The following RANBP17 variants were observed in gnomAD, a reference collection of about 807,000 sequenced individuals.
The protein encoded by RANBP17 is RAN binding protein 17.
Under a neutral mutation model 141.2 loss-of-function variants are expected in RANBP17, and 158 were observed. The observed-to-expected ratio is 1.12, with a 90% CI of 0.98 to 1.28. The LOEUF is 1.28. RANBP17 is among the 50% of genes most tolerant of loss of function. RANBP17 has a pLI of 0.00. For missense variants in RANBP17, 1,438 were observed against 1,290.7 expected, an observed-to-expected ratio of 1.11 and a Z score of -1.75; for synonymous variants, 430 against 450.0, an observed-to-expected ratio of 0.96 and a Z score of 0.56.
intron 16 of RANBP17, among the ~76,000 whole-genome samples, chr5:171,182,657 G>A (rs1760938684): frequency 6.6e-6 from 1 of 152,166 alleles, no homozygotes; most frequent in South Asian, 2.1e-4. Context: ...GTTCCTTTAA[G>A]CTGTCCTTCT....
At chr5:170,910,720 A>G (rs1771456809) in intron 6 of RANBP17, 2 of 409,068 alleles carry the variant, frequency 4.9e-6, no homozygotes, top group South Asian at 6.7e-5. Flanking sequence ...GTTCTCCAGA[A>G]GCTTTGTGAG....
intron 13 of RANBP17, among the ~76,000 whole-genome samples, chr5:170,955,025 A>G (rs989855499): frequency 6.6e-6 from 1 of 152,040 alleles, no homozygotes; most frequent in African/African-American, 2.4e-5. Flanking sequence ...TAAACTACAC[A>G]TGTGAGGGAT....
chr5:171,250,166 G>C (rs1286993661), intron 24 of RANBP17, among the ~76,000 whole-genome samples: 1 of 152,142 alleles, frequency 6.6e-6, no homozygotes, highest in Non-Finnish European at 1.5e-5. Context: ...ATTAACCTTT[G>C]TAAATGAAGG....
intron 14 of RANBP17, among the ~76,000 whole-genome samples, chr5:171,117,878 G>A (rs777787357): frequency 9.9e-5 from 15 of 151,676 alleles, no homozygotes; most frequent in Admixed American, 5.3e-4. Flanking sequence ...CTGTTGTGAC[G>A]TTAGAGTTCC....
In RANBP17 at chr5:171,213,616, CA is replaced by C; in HGVS notation, c.2232-14del. 6.3e-7 allele frequency: 1 copy of C among 1,586,808 alleles called. No homozygotes were observed. The highest frequency in any genetic ancestry group is 8.7e-7 in the Non-Finnish European group (1 of 1,155,344). ...TTCTTTAGACCCTTAAATTCTTTAA[CA>C]GGCTTTATAAAAGGTACCCAACGTA... On this transcript the variant is annotated splice_polypyrimidine_tract_variant and intron_variant, in intron 20 of 27. Coordinates refer to ENST00000523189, the MANE Select transcript of RANBP17 (RefSeq NM_022897.5).
chr5:171,068,833 G>A (rs1450283349), intron 14 of RANBP17, among the ~76,000 whole-genome samples: 3 of 152,046 alleles, frequency 2.0e-5, no homozygotes, highest in South Asian at 2.1e-4. Context: ...TGATCTACTC[G>A]CCTCGGCCTC....
intron 14 of RANBP17, among the ~76,000 whole-genome samples, chr5:171,038,870 T>C (rs908021867): frequency 6.6e-6 from 1 of 152,208 alleles, no homozygotes; most frequent in Admixed American, 6.5e-5. Context: ...GCTTGTATAT[T>C]GTCGAGGATT....
chr5:170,919,557 A>T lies in RANBP17; in HGVS notation c.1218A>T (p.Pro406=), dbSNP rs1423649073. The T allele has an allele frequency of 1.2e-6, 2 of 1,611,518 alleles. No individual in the cohort carries two copies. The highest frequency in any genetic ancestry group is 1.7e-6 in the Non-Finnish European group (2 of 1,178,978). The part of the protein sequence containing the change: ...TEPHLLDTYA[P]EITKAFITSR... ...CCCACCTATTAGACACTTATGCACCAGAAATCACGAAGGCCTTTATCACTT... is the reference window on the plus strand; with the variant it reads ...CCCACCTATTAGACACTTATGCACCTGAAATCACGAAGGCCTTTATCACTT... Residue 406 remains proline (P), a synonymous_variant, in exon 11 of 28, where the codon CCA becomes CCT. Transcript: ENST00000523189.
intron 12 of RANBP17, among the ~76,000 whole-genome samples, chr5:170,930,410 T>C (rs918117373): frequency 1.3e-5 from 2 of 151,580 alleles, no homozygotes; most frequent in Non-Finnish European, 2.9e-5. Flanking sequence ...TTTATTTTAT[T>C]TATTTATTTA....
At chr5:171,043,016 C>G (rs956399932) in intron 14 of RANBP17, among the ~76,000 whole-genome samples, 3 of 152,060 alleles carry the variant, frequency 2.0e-5, no homozygotes, top group Non-Finnish European at 4.4e-5. Flanking sequence ...AGAGATATAG[C>G]TGATGGTGTG....
chr5:170,922,691 C>T (rs1772568793), intron 11 of RANBP17, among the ~76,000 whole-genome samples: 1 of 152,146 alleles, frequency 6.6e-6, no homozygotes, highest in Admixed American at 6.5e-5. Flanking sequence ...AGCATTTGGT[C>T]AGAAGTGTAC....
At chr5:171,213,526 A>G (rs1206491988) in intron 20 of RANBP17, 105 bp from the exon 21 acceptor site, 5 of 785,030 alleles carry the variant, frequency 6.4e-6, no homozygotes, top group South Asian at 1.6e-5. Flanking sequence ...GTATAAATAT[A>G]GAACAAATGT....
intron 14 of RANBP17, among the ~76,000 whole-genome samples, chr5:171,001,049 A>G (rs1190579012): frequency 6.6e-6 from 1 of 152,136 alleles, no homozygotes; most frequent in Non-Finnish European, 1.5e-5. Context: ...CTGTCTTCTT[A>G]TATTAATAAG....
At chr5:170,917,136 C>T (rs7713741) in intron 9 of RANBP17, among the ~76,000 whole-genome samples, 91,285 of 152,030 alleles carry the variant, frequency 0.6, 29,171 homozygotes, top group South Asian at 0.88. Context: ...ATCTATCTTA[C>T]TATGCTTCTG....
chr5:171,146,420 A>T (rs1758031974), intron 14 of RANBP17, among the ~76,000 whole-genome samples: 5 of 152,230 alleles, frequency 3.3e-5, no homozygotes, highest in Admixed American at 3.3e-4. Flanking sequence ...GGGTAAATGC[A>T]CTTTTCTTCA....
intron 24 of RANBP17, chr5:171,252,059 G>T: frequency 6.2e-7 from 1 of 1,603,506 alleles, no homozygotes; most frequent in South Asian, 1.1e-5. Context: ...CTTCTTACAT[G>T]CTTAGCAGAT....
At position 170,897,923 on chromosome 5, in the gene RANBP17, C is replaced by T. The variant is rs377617918; in HGVS notation, c.489+1808C>T. On this transcript the variant is annotated intron_variant, in intron 5 of 27. Transcript: ENST00000523189. ...TATTTATAATCCTTTGGGTATATAC[C>T]CAGTAATGGGATTGTTGGGTCAAAT... 4.6e-5 allele frequency among the ~76,000 whole-genome samples: 7 copies of T among 152,092 alleles called. No homozygotes were observed. The South Asian group carries it at 1.5e-3, about 32-fold the overall frequency.
intron 22 of RANBP17, among the ~76,000 whole-genome samples, chr5:171,225,918 G>A (rs1361034323): frequency 3.9e-5 from 6 of 152,104 alleles, no homozygotes; most frequent in Admixed American, 6.5e-5. Context: ...TCCTCTTGCC[G>A]TTACAGCTCA....
At chr5:171,047,618 T>C (rs1206020164) in intron 14 of RANBP17, among the ~76,000 whole-genome samples, 4 of 151,922 alleles carry the variant, frequency 2.6e-5, no homozygotes, top group African/African-American at 9.7e-5. Flanking sequence ...TTTTGTATTT[T>C]TAGTAGAGAC....
Sources: allele counts gnomAD v4.1 joint callset (sites outside exome capture counted in the v4.1 genomes callset), GRCh38; gene constraint gnomAD v4.1.1; transcripts MANE v1.5; gene names NCBI Gene and HGNC (gene_info 2026-07-23, HGNC 2026-07-21).